The following FRMD5 variants were observed in gnomAD, a reference collection of about 807,000 sequenced individuals.
FRMD5 encodes FERM domain-containing protein 5.
FRMD5 carries 20 observed loss-of-function variants against 69.0 expected under a neutral mutation model. That is an observed-to-expected ratio of 0.29 (90% CI 0.20 to 0.42). The LOEUF (loss-of-function observed/expected upper bound fraction) is 0.42, where lower values mean the gene tolerates loss of function less well. Among genes scored for constraint, FRMD5 ranks in the 10% least tolerant of loss-of-function variants. The pLI, the probability that FRMD5 is intolerant of heterozygous loss-of-function variation, is 1.00. For synonymous variants in FRMD5, 271 were observed against 260.1 expected (o/e 1.04, Z -0.40); for missense variants, 595 against 708.6 (o/e 0.84, Z 1.82).
chr15:43,907,056 A>G (rs2140412536), intron 5 of FRMD5, among the ~76,000 whole-genome samples: 1 of 152,274 alleles, frequency 6.6e-6, no homozygotes, highest in African/African-American at 2.4e-5. Context: ...TTCCACACCC[A>G]GGTCAGAATC....
chr15:44,094,971 A>G (rs2076529653), intron 1 of FRMD5, among the ~76,000 whole-genome samples: 1 of 152,094 alleles, frequency 6.6e-6, no homozygotes, highest in African/African-American at 2.4e-5. Flanking sequence ...GTGATTCACG[A>G]TGCATTACTC....
intron 1 of FRMD5, among the ~76,000 whole-genome samples, chr15:44,071,045 A>C (rs1212746128): frequency 1.3e-5 from 2 of 152,168 alleles, no homozygotes; most frequent in African/African-American, 4.8e-5. Context: ...CATGTGACCC[A>C]AGACACATCT....
At chr15:44,025,495 A>G (rs909637236) in intron 1 of FRMD5, among the ~76,000 whole-genome samples, 3 of 152,210 alleles carry the variant, frequency 2.0e-5, no homozygotes, top group Non-Finnish European at 2.9e-5. Flanking sequence ...TTATACATCT[A>G]TGCAGTCTGC....
Position 43,984,737 on chromosome 15 carries a change from G to T in FRMD5, c.103-60428C>A, listed in dbSNP as rs1889301127. On this transcript the variant is annotated intron_variant, in intron 1 of 13. Coordinates refer to ENST00000417257, the MANE Select transcript of FRMD5 (RefSeq NM_032892.5). ...AGTGGCTCACGCCTGTAATCCCAAC[G>T]CCTTGGGAGGCCGAGGTGGGTGGAT... Among the ~76,000 whole-genome samples the T allele has an allele frequency of 2.6e-5, 4 of 151,948 alleles. No homozygotes were observed. The South Asian group carries it at 6.2e-4, about 24-fold the overall frequency.
intron 1 of FRMD5, among the ~76,000 whole-genome samples, chr15:43,992,264 G>A (rs1889719644): frequency 6.6e-6 from 1 of 150,860 alleles, no homozygotes; most frequent in African/African-American, 2.4e-5. Context: ...TGTCTCTATA[G>A]CAAAAATGTA....
chr15:44,174,279 TA>T (rs963435578), intron 1 of FRMD5, among the ~76,000 whole-genome samples: 13 of 149,156 alleles, frequency 8.7e-5, no homozygotes, highest in South Asian at 2.1e-4. Context: ...TTTTTCTTAT[TA>T]AAAAAAAAAC....
chr15:43,909,430 ACT>A (rs1566829023), intron 5 of FRMD5, among the ~76,000 whole-genome samples: 1 of 150,404 alleles, frequency 6.6e-6, no homozygotes, highest in East Asian at 2.0e-4. Flanking sequence ...AACAAAAAAA[ACT>A]CTCTAACTTG....
chr15:44,128,211 G>A (rs1044812451), intron 1 of FRMD5, among the ~76,000 whole-genome samples: 2 of 152,182 alleles, frequency 1.3e-5, no homozygotes, highest in South Asian at 2.1e-4. Flanking sequence ...TGGGCACAGG[G>A]GCTCAGGCCT....
intron 4 of FRMD5, among the ~76,000 whole-genome samples, chr15:43,918,238 A>T (rs1291371078): frequency 6.6e-6 from 1 of 152,180 alleles, no homozygotes; most frequent in Non-Finnish European, 1.5e-5. Flanking sequence ...AGCCTGGTTA[A>T]CATGGTGAAA....
chr15:44,133,063 A>G (rs1472939021), intron 1 of FRMD5, among the ~76,000 whole-genome samples: 1 of 151,882 alleles, frequency 6.6e-6, no homozygotes. Flanking sequence ...GCCCAGCCAC[A>G]TGAATGTATT....
At chr15:43,951,143 A>T (rs998923343) in intron 1 of FRMD5, among the ~76,000 whole-genome samples, 4 of 152,134 alleles carry the variant, frequency 2.6e-5, no homozygotes, top group African/African-American at 7.2e-5. Flanking sequence ...AAATAGTGCC[A>T]GGCGTGGTGG....
At position 43,955,009 on chromosome 15, in the gene FRMD5, T is replaced by C. The variant is rs551785440; in HGVS notation, c.103-30700A>G. 2.2e-4 allele frequency among the ~76,000 whole-genome samples: 33 copies of C among 152,336 alleles called. 1 individual carries two copies. The highest frequency in any genetic ancestry group is 1.2e-3 in the South Asian group (6 of 4,828). ...CTCCCATTGCAAATCAAGCTCCTTT[T>C]GATTGTGGAACACAGGAGAAAAAAA... On this transcript the variant is annotated intron_variant, in intron 1 of 13. Coordinates refer to ENST00000417257, the MANE Select transcript of FRMD5 (RefSeq NM_032892.5).
chr15:43,885,581 T>G, intron 11 of FRMD5, 100 bp downstream of exon 11: 1 of 977,496 alleles, frequency 1.0e-6, no homozygotes, highest in South Asian at 1.3e-5. Context: ...CTTTTCTGAG[T>G]CCTCCCTGGT....
At chr15:44,197,708 G>C (rs1440243031), upstream of FRMD5, among the ~76,000 whole-genome samples, 2 of 149,800 alleles carry the variant, frequency 1.3e-5, no homozygotes, top group Non-Finnish European at 3.0e-5. Flanking sequence ...AGAAAGAAAG[G>C]AAAAAAAATT....
At chr15:43,935,144 T>C (rs1396609484) in intron 1 of FRMD5, among the ~76,000 whole-genome samples, 1 of 152,164 alleles carries the variant, frequency 6.6e-6, no homozygotes, top group Non-Finnish European at 1.5e-5. Context: ...CCACATGTGG[T>C]ATTTCAGTGG....
At chr15:44,150,932 T>A (rs148177275) in intron 1 of FRMD5, among the ~76,000 whole-genome samples, 7,512 of 151,680 alleles carry the variant, frequency 0.05, 553 homozygotes, top group African/African-American at 0.16. Context: ...TCTCTACTAA[T>A]AATACAAAAA....
At chr15:44,106,739 C>G (rs192679857) in intron 1 of FRMD5, among the ~76,000 whole-genome samples, 45 of 151,552 alleles carry the variant, frequency 3.0e-4, no homozygotes, top group Non-Finnish European at 7.4e-5. Flanking sequence ...GTCTTCACCT[C>G]TAAACTGTGA....
At chr15:43,954,755 T>A (rs1213176857) in intron 1 of FRMD5, among the ~76,000 whole-genome samples, 1 of 152,208 alleles carries the variant, frequency 6.6e-6, no homozygotes, top group Admixed American at 6.5e-5. Flanking sequence ...TGCCCTTTAA[T>A]AAGACTGTCC....
intron 1 of FRMD5, among the ~76,000 whole-genome samples, chr15:44,135,598 C>T (rs922444053): frequency 1.3e-4 from 20 of 151,978 alleles, no homozygotes; most frequent in Admixed American, 1.0e-3. Flanking sequence ...GAGGCCAAGG[C>T]AGTGGGGATC....
Sources: gnomAD v4.1 joint callset for allele counts (sites outside exome capture counted in the v4.1 genomes callset) on GRCh38, gnomAD v4.1.1 for gene constraint, MANE v1.5 for transcripts, NCBI Gene and HGNC (gene_info 2026-07-23, HGNC 2026-07-21) for gene names.